The following TMEM17 variants were observed in gnomAD, a reference collection of about 807,000 sequenced individuals.
The protein encoded by TMEM17 is transmembrane protein 17.
In TMEM17, 15 loss-of-function variants were observed where a neutral mutation model predicts 19.1. The ratio of observed to expected loss-of-function variants is 0.78; its 90% CI spans 0.52 to 1.21. TMEM17 has a LOEUF of 1.21. Ranked by LOEUF, TMEM17 falls within the 50% of genes most tolerant of loss-of-function variation. The probability of loss-of-function intolerance (pLI) is 0.00; values close to 1 mark genes in which losing one functional copy is unlikely to be tolerated. For synonymous variants in TMEM17, 103 were observed against 86.9 expected, an observed-to-expected ratio of 1.19 and a Z score of -1.03; for missense variants, 245 against 242.3, an observed-to-expected ratio of 1.01 and a Z score of -0.07.
chr2:62,464,935 G>A, the TMEM17 span, among the ~76,000 whole-genome samples: 8 of 152,200 alleles, frequency 5.3e-5, no homozygotes, highest in South Asian at 4.1e-4. Context: ...TATCTCAAGC[G>A]CTGATCTTGG....
chr2:62,474,758 T>A, the TMEM17 span, among the ~76,000 whole-genome samples: 1 of 151,938 alleles, frequency 6.6e-6, no homozygotes, highest in Non-Finnish European at 1.5e-5. Flanking sequence ...TAAACCCATA[T>A]CCCCAGTCCC....
the TMEM17 span, among the ~76,000 whole-genome samples, chr2:62,460,640 G>C: frequency 2.6e-5 from 4 of 152,186 alleles, no homozygotes; most frequent in Admixed American, 2.6e-4. Context: ...GAGGCTATCA[G>C]ATAAACTTAA....
At chr2:62,455,327 C>T in the TMEM17 span, among the ~76,000 whole-genome samples, 1 of 152,138 alleles carries the variant, frequency 6.6e-6, no homozygotes, top group Non-Finnish European at 1.5e-5. Context: ...AGTAATATTC[C>T]ACTGCAAATA....
At chr2:62,462,178 C>A in the TMEM17 span, among the ~76,000 whole-genome samples, 1 of 152,232 alleles carries the variant, frequency 6.6e-6, no homozygotes, top group Non-Finnish European at 1.5e-5. Context: ...CAGTCCTGCA[C>A]TCAAGTGCAT....
the TMEM17 span, among the ~76,000 whole-genome samples, chr2:62,467,579 C>T: frequency 2.6e-5 from 4 of 152,298 alleles, no homozygotes; most frequent in South Asian, 8.3e-4. Context: ...CTGGTTCAGT[C>T]CTGCTTTGTT....
chr2:62,492,089 G>C, the TMEM17 span, among the ~76,000 whole-genome samples: 4 of 152,142 alleles, frequency 2.6e-5, no homozygotes, highest in African/African-American at 9.7e-5. Flanking sequence ...AGGGTCCAAG[G>C]CTGAGCAATG....
At chr2:62,494,201 C>T in the TMEM17 span, among the ~76,000 whole-genome samples, 1 of 152,196 alleles carries the variant, frequency 6.6e-6, no homozygotes, top group Non-Finnish European at 1.5e-5. Flanking sequence ...AAATTGTTGA[C>T]TTTACAGAAC....
rs747569329 is a variant in TMEM17 at position 62,502,700 on chromosome 2, A to G, written c.195T>C (p.Leu65=). The G allele has an allele frequency of 3.6e-5, 57 of 1,595,660 alleles. No homozygotes were observed. The highest frequency in any genetic ancestry group is 4.5e-5 in the Non-Finnish European group (53 of 1,172,806). The part of the protein sequence containing the change: ...PLWWVSSIMM[L]HMKYSILPDY... ...TAAAGCTTAGATTTACCTTCATGTG[A>G]AGCATCATAATGCTGCTCACCCACC... Residue 65 remains leucine, a synonymous_variant, in exon 2 of 4, where the codon CTT becomes CTC. Coordinates refer to ENST00000335390, the MANE Select transcript of TMEM17 (RefSeq NM_198276.3).
At chr2:62,487,541 T>G in the TMEM17 span, among the ~76,000 whole-genome samples, 173 of 152,344 alleles carry the variant, frequency 1.1e-3, no homozygotes, top group African/African-American at 4.0e-3. Flanking sequence ...AGCCCTCACT[T>G]TTTTAAAAGC....
chr2:62,464,506 AC>A, the TMEM17 span, among the ~76,000 whole-genome samples: 1 of 152,240 alleles, frequency 6.6e-6, no homozygotes, highest in Admixed American at 6.5e-5. Context: ...AGTATGACAT[AC>A]CGAGAAAGAC....
At chr2:62,464,723 T>A in the TMEM17 span, among the ~76,000 whole-genome samples, 1 of 152,162 alleles carries the variant, frequency 6.6e-6, no homozygotes. Context: ...CCCGGAGCAT[T>A]CAGGGATCGG....
At chr2:62,469,815 G>C in the TMEM17 span, among the ~76,000 whole-genome samples, 55 of 152,342 alleles carry the variant, frequency 3.6e-4, no homozygotes, top group African/African-American at 1.2e-3. Flanking sequence ...GCAGTGTCTG[G>C]TGCTCTAGAA....
At chr2:62,485,650 C>G in the TMEM17 span, among the ~76,000 whole-genome samples, 1 of 152,136 alleles carries the variant, frequency 6.6e-6, no homozygotes, top group Non-Finnish European at 1.5e-5. Context: ...GGAAGTATAC[C>G]TTTAATTTGA....
the TMEM17 span, among the ~76,000 whole-genome samples, chr2:62,492,360 TATTG>T: frequency 6.6e-6 from 1 of 152,212 alleles, no homozygotes; most frequent in African/African-American, 2.4e-5. Context: ...TTGAATGAGA[TATTG>T]ATAAAGTCCC....
the TMEM17 span, among the ~76,000 whole-genome samples, chr2:62,476,897 T>C: frequency 2.1e-3 from 317 of 152,306 alleles, 1 homozygote; most frequent in South Asian, 0.026. Context: ...TACAGAAGAA[T>C]GTTATCTTTC....
intron 3 of TMEM17, 83 bp from the exon 4 acceptor site, chr2:62,501,570 C>A: frequency 7.5e-7 from 1 of 1,341,056 alleles, no homozygotes; most frequent in East Asian, 2.4e-5. Flanking sequence ...TTATCACTAC[C>A]GTGAACCTAC....
the TMEM17 span, among the ~76,000 whole-genome samples, chr2:62,472,672 T>C: frequency 0.012 from 1,863 of 152,336 alleles, 38 homozygotes; most frequent in African/African-American, 0.042. Context: ...CAGTATTATT[T>C]CTGGTCTCAT....
intron 1 of TMEM17, among the ~76,000 whole-genome samples, chr2:62,503,454 T>G (rs1285355851): frequency 6.6e-6 from 1 of 152,212 alleles, no homozygotes; most frequent in East Asian, 1.9e-4. Context: ...GAACAGATCA[T>G]GGGCTTCAGA....
the TMEM17 span, among the ~76,000 whole-genome samples, chr2:62,491,846 T>G: frequency 4.1e-4 from 63 of 151,966 alleles, no homozygotes; most frequent in Non-Finnish European, 7.5e-4. Flanking sequence ...TCTCTTTAAC[T>G]TTCAGTCAGC....
Sources: gnomAD v4.1 joint callset for allele counts (sites outside exome capture counted in the v4.1 genomes callset) on GRCh38, gnomAD v4.1.1 for gene constraint, MANE v1.5 for transcripts, NCBI Gene and HGNC (gene_info 2026-07-23, HGNC 2026-07-21) for gene names.